ZNF839: variants seen among roughly 807,000 people sequenced by gnomAD.
ZNF839 encodes zinc finger protein 839.
ZNF839 carries 38 observed loss-of-function variants against 56.4 expected under a neutral mutation model. That is an observed-to-expected ratio of 0.67 (90% confidence interval 0.52 to 0.88). ZNF839 has a LOEUF of 0.88. Among genes scored for constraint, ZNF839 ranks in the 40% least tolerant of loss-of-function variants. The pLI is 0.00. For missense variants in ZNF839, 1,091 were observed against 1,177.6 expected, an observed-to-expected ratio of 0.93 and a Z score of 1.08; for synonymous variants, 486 against 493.5, an observed-to-expected ratio of 0.98 and a Z score of 0.20.
At chr14:102,338,539 GAAAAAAAAAAAAA>G (rs954011615) in intron 5 of ZNF839, among the ~76,000 whole-genome samples, 4 of 32,098 alleles carry the variant, frequency 1.2e-4, no homozygotes, top group Non-Finnish European at 2.7e-4. Flanking sequence ...CTCTGTCTCA[GAAAAAAAAAAAAA>G]AAAAAAAAAA....
chr14:102,325,987 A>G lies in ZNF839; in HGVS notation c.291A>G (p.Gln97=). 1.2e-6 allele frequency: 2 copies of G among 1,611,850 alleles called. No homozygotes were observed. The highest frequency in any genetic ancestry group is 8.5e-7 in the Non-Finnish European group (1 of 1,178,996). ...TTTCTTGTCTTTCTGTACGTAAGCA[A>G]CTAGAAGCCATTTGTGTCAAGGTAA... ...PRLPRLLPPQ[Q]LEAICVKVTS... Residue 97 remains glutamine (Q), a splice_region_variant and synonymous_variant, in exon 2 of 8, where the codon CAA becomes CAG. Coordinates refer to ENST00000442396, the MANE Select transcript of ZNF839 (RefSeq NM_018335.6).
At chr14:102,321,758 G>A (rs2073139093) in intron 1 of ZNF839, among the ~76,000 whole-genome samples, 1 of 152,306 alleles carries the variant, frequency 6.6e-6, no homozygotes, top group African/African-American at 2.4e-5. Flanking sequence ...CCTGGCTGAG[G>A]ACATCAGAAG....
chr14:102,327,402 A>G (rs1455955954), intron 2 of ZNF839, among the ~76,000 whole-genome samples: 27 of 152,068 alleles, frequency 1.8e-4, no homozygotes, highest in Admixed American at 1.8e-3. Context: ...CAGCCTCCCA[A>G]AATGCTGAGA....
In ZNF839 at chr14:102,334,627, A is replaced by G. The variant is rs573849674; in HGVS notation, c.1490A>G (p.Tyr497Cys). 9 of 1,612,466 alleles carry G rather than the reference A, an allele frequency of 5.6e-6. No individual in the cohort carries two copies. In the East Asian group the frequency reaches 1.3e-4, roughly 24 times the overall value. The stretch of plus-strand genomic sequence containing the variant: ...CAGCTGGCTCAGGTTGTGACCGTGT[A>G]TGAGTTTCTTCTGATGAAGGTGAGT... Reference protein sequence around the residue: ...LPQLAQVVTVYEFLLMKVEKD... With the variant: ...LPQLAQVVTVCEFLLMKVEKD... Residue 497 changes from tyrosine to cysteine, a missense_variant, in exon 4 of 8, where the codon TAT (tyrosine) becomes TGT (cysteine). By Grantham distance (194) the Tyr-to-Cys change is radical (BLOSUM62 -2). Around this residue, in one of 3 missense-constraint regions of ZNF839, gnomAD observed 46 missense variants for 80.4 expected, o/e 0.57. Transcript: ENST00000442396.
chr14:102,333,713 T>G (rs1202778147), intron 3 of ZNF839, among the ~76,000 whole-genome samples: 1 of 152,156 alleles, frequency 6.6e-6, no homozygotes, highest in Non-Finnish European at 1.5e-5. Flanking sequence ...ACTCCCACGC[T>G]TCCCGTTCAG....
At chr14:102,328,378 ATATATATATATATATATAT>A (rs2073567668) in intron 2 of ZNF839, among the ~76,000 whole-genome samples, 3 of 45,190 alleles carry the variant, frequency 6.6e-5, no homozygotes, top group Non-Finnish European at 1.1e-4. Context: ...AAAAAAAAAT[ATATATATATATATATATAT>A]ATATATATAT....
At chr14:102,334,707 ATTATTAT>A (rs1387352613) in intron 4 of ZNF839, 61 bp downstream of exon 4, 8 of 850,586 alleles carry the variant, frequency 9.4e-6, no homozygotes, top group Non-Finnish European at 5.1e-6. Flanking sequence ...TAGAAATAAT[ATTATTAT>A]TTATTAATTA....
intron 2 of ZNF839, among the ~76,000 whole-genome samples, chr14:102,327,433 G>A (rs190425770): frequency 2.6e-5 from 4 of 152,160 alleles, no homozygotes; most frequent in African/African-American, 7.2e-5. Flanking sequence ...GAGCCACCAC[G>A]CCTGGCCACC....
At chr14:102,319,338 A>C (rs575693910), upstream of ZNF839, 1 of 153,998 alleles carries the variant, frequency 6.5e-6, no homozygotes, top group Admixed American at 6.5e-5. The surrounding 1 kb of genome is among the most constrained non-coding windows in gnomAD (Gnocchi z 4.5). Flanking sequence ...GTCCCCTCCC[A>C]GATGTATAAA....
chr14:102,321,833 G>C (rs557733366), intron 1 of ZNF839, among the ~76,000 whole-genome samples: 1 of 152,272 alleles, frequency 6.6e-6, no homozygotes, highest in African/African-American at 2.4e-5. Flanking sequence ...TGAAAATGCA[G>C]AAGGGGAGAG....
intron 2 of ZNF839, among the ~76,000 whole-genome samples, chr14:102,328,394 ATATATATATATATATATG>A (rs2073574507): frequency 9.4e-6 from 1 of 105,890 alleles, no homozygotes; most frequent in African/African-American, 3.9e-5. Flanking sequence ...ATATATATAT[ATATATATATATATATATG>A]TATACACACA....
In ZNF839 at chr14:102,341,456, G is replaced by C. The variant is rs774907456; in HGVS notation, c.2061G>C (p.Arg687Ser). ...AGGCACTGGCTAACTTAGAAGCCAG[G>C]AGGGGGTCTATAGGTGCTGCTCTCT... ...QLQALANLEARRGSIGAALSS... is the reference protein window; with the variant it reads ...QLQALANLEASRGSIGAALSS... The change falls in exon 8 of 8, where the codon AGG (arginine) becomes AGC (serine). Residue 687 changes from arginine to serine, a missense_variant. Physicochemically the swap from Arg to Ser is moderately radical, Grantham distance 110. Transcript: ENST00000442396. 72 of 1,596,662 alleles carry C rather than the reference G, an allele frequency of 4.5e-5. 1 individual carries two copies. The Admixed American group carries it at 1.2e-3, about 26-fold the overall frequency.
chr14:102,337,014 A>G (rs545591343), intron 5 of ZNF839: 73 of 156,220 alleles, frequency 4.7e-4, no homozygotes, highest in Non-Finnish European at 9.9e-5. Context: ...GATTACAGGC[A>G]TGAACCACCA....
In ZNF839 at chr14:102,319,824, G is replaced by T; in HGVS notation, c.59G>T (p.Gly20Val). ...AGCGAGGATGGCGGCGGCGGCGGCG[G>T]CCCGGCTCCTCCGGGCCAGAGCGGC... ...GGSEDGGGGG[G>V]PAPPGQSGSV... The change falls in exon 1 of 8, where the codon GGC (glycine) becomes GTC (valine). Residue 20 changes from glycine (G) to valine (V), a missense_variant. This residue lies in a region of ZNF839 where 614 missense variants were observed against 629.2 expected (regional missense o/e 0.98). Coordinates refer to ENST00000442396, the MANE Select transcript of ZNF839 (RefSeq NM_018335.6). The surrounding 1 kb of genome is among the most constrained non-coding windows in gnomAD (Gnocchi z 4.5). The T allele has an allele frequency of 8.1e-7, 1 of 1,231,782 alleles. No homozygotes were observed. Among genetic ancestry groups the T allele is most frequent in the East Asian group, 3.2e-5 (1 of 31,366 alleles). 76.3% of individuals were successfully genotyped at this position (1,231,782 alleles called of 1,614,324 possible). A position where few individuals can be genotyped will look rare whatever the true frequency, so the allele number is the denominator to read the frequency against.
chr14:102,338,989 C>T, intron 6 of ZNF839, 36 bp downstream of exon 6: 1 of 1,613,886 alleles, frequency 6.2e-7, no homozygotes, highest in Non-Finnish European at 8.5e-7. Flanking sequence ...GGTGACTGTG[C>T]ACGGTGAATT....
chr14:102,320,945 A>G (rs2073096545), intron 1 of ZNF839, among the ~76,000 whole-genome samples: 1 of 152,240 alleles, frequency 6.6e-6, no homozygotes, highest in South Asian at 2.1e-4. Flanking sequence ...AATTGCCAAA[A>G]GAAGACAGCT....
Position 102,331,833 on chromosome 14 carries a change from C to T in ZNF839, c.1403C>T (p.Ala468Val), listed in dbSNP as rs569344347. The T allele has an allele frequency of 6.4e-6, 10 of 1,567,992 alleles. No individual in the cohort carries two copies. The African/African-American group carries it at 1.3e-4, about 21-fold the overall frequency. ...GAGCAGAGGGCGTCGCCAAGCAAAG[C>T]CAGGCTCAAGGAGGTACCTCACTCT... ...AGEQRASPSK[A>V]RLKEFLQQCD... Residue 468 changes from alanine to valine, a missense_variant, in exon 3 of 8, where the codon GCC (alanine) becomes GTC (valine). Transcript: ENST00000442396.
chr14:102,318,737 T>A (rs2072974532), upstream of ZNF839, among the ~76,000 whole-genome samples: 1 of 152,030 alleles, frequency 6.6e-6, no homozygotes, highest in Admixed American at 6.5e-5. Context: ...TTGATGAGGA[T>A]GGTGGTGATC....
chr14:102,319,568 C>G (rs560518680), upstream of ZNF839: 1 of 603,276 alleles, frequency 1.7e-6, no homozygotes, highest in South Asian at 8.8e-5. The surrounding 1 kb of genome is among the most constrained non-coding windows in gnomAD (Gnocchi z 4.5). Flanking sequence ...TAAGGGGGGT[C>G]CGCTCTGCTG....
Sources: gnomAD v4.1 joint callset for allele counts (sites outside exome capture counted in the v4.1 genomes callset) on GRCh38, gnomAD v4.1.1 for gene constraint, gnomAD v4.1.1 regional missense constraint, Gnocchi (gnomAD v3.1) non-coding constraint, MANE v1.5 for transcripts, NCBI Gene and HGNC (gene_info 2026-07-23, HGNC 2026-07-21) for gene names.